Variants in PPP3CB observed in about 807,000 individuals in gnomAD.
PPP3CB encodes serine/threonine-protein phosphatase 2B catalytic subunit beta isoform.
PPP3CB carries 8 observed loss-of-function variants against 66.4 expected under a neutral mutation model. The observed-to-expected ratio is 0.12, with a 90% confidence interval of 0.07 to 0.22. The LOEUF is 0.22. PPP3CB is among the 10% of genes least tolerant of loss of function. The pLI is 1.00. For missense variants in PPP3CB, 319 were observed against 642.5 expected (o/e 0.50, Z 5.44); for synonymous variants, 208 against 221.2 (o/e 0.94, Z 0.53).
intron 12 of PPP3CB, among the ~76,000 whole-genome samples, chr10:73,440,881 A>C (rs1281431720): frequency 2.0e-5 from 3 of 152,238 alleles, no homozygotes; most frequent in Non-Finnish European, 4.4e-5. Context: ...ATAATTAGTC[A>C]AACATTTTAT....
intron 9 of PPP3CB, among the ~76,000 whole-genome samples, chr10:73,466,375 T>C (rs1564559004): frequency 6.6e-6 from 1 of 152,206 alleles, no homozygotes; most frequent in Non-Finnish European, 1.5e-5. Flanking sequence ...TCCTACCTTA[T>C]CTTCCTGGCC....
intron 9 of PPP3CB, among the ~76,000 whole-genome samples, chr10:73,465,807 T>C (rs183375294): frequency 5.3e-5 from 8 of 152,348 alleles, no homozygotes; most frequent in African/African-American, 1.9e-4. Flanking sequence ...ACAGCCATCA[T>C]GTATTAAAAT....
At chr10:73,495,453 G>A (rs966019310) in intron 1 of PPP3CB, 2 of 168,104 alleles carry the variant, frequency 1.2e-5, no homozygotes, top group Non-Finnish European at 2.6e-5. Flanking sequence ...GCCCCGGCAA[G>A]CCAGAAGTGC....
At chr10:73,438,447 C>A in intron 13 of PPP3CB, 27 bp from the exon 14 acceptor site, 1 of 1,543,888 alleles carries the variant, frequency 6.5e-7, no homozygotes, top group Non-Finnish European at 8.9e-7. Flanking sequence ...TTTGATAAGT[C>A]AGTAATTGAA....
chr10:73,450,995 T>C (rs1158304360), intron 10 of PPP3CB, among the ~76,000 whole-genome samples: 3 of 152,092 alleles, frequency 2.0e-5, no homozygotes, highest in Non-Finnish European at 2.9e-5. Flanking sequence ...CATTAGAATA[T>C]AATAAAATTT....
chr10:73,478,645 A>G, intron 2 of PPP3CB, 22 bp from the exon 3 acceptor site: 1 of 1,598,034 alleles, frequency 6.3e-7, no homozygotes, highest in South Asian at 1.1e-5. Context: ...AGATTATTAG[A>G]TAAGGGAAAA....
chr10:73,461,991 G>A (rs921066244), intron 9 of PPP3CB, among the ~76,000 whole-genome samples: 4 of 151,984 alleles, frequency 2.6e-5, no homozygotes, highest in African/African-American at 4.8e-5. Context: ...CTTCCCCCTC[G>A]CTCTCTTGCT....
intron 1 of PPP3CB, among the ~76,000 whole-genome samples, chr10:73,480,201 A>G (rs757299033): frequency 6.6e-6 from 1 of 152,178 alleles, no homozygotes; most frequent in East Asian, 1.9e-4. Flanking sequence ...TAAAATAATA[A>G]ATCATAATTT....
intron 12 of PPP3CB, chr10:73,444,192 G>C (rs2056208778): frequency 6.2e-6 from 1 of 160,430 alleles, no homozygotes; most frequent in African/African-American, 2.4e-5. Context: ...CATTTACCAG[G>C]GTACAAAACC....
chr10:73,445,459 CTTTTT>C (rs1198096943), intron 11 of PPP3CB, among the ~76,000 whole-genome samples: 1 of 152,130 alleles, frequency 6.6e-6, no homozygotes, highest in African/African-American at 2.4e-5. Context: ...ACTTCTTTTT[CTTTTT>C]GAGACAAGGT....
chr10:73,473,295 G>A (rs768106849), intron 4 of PPP3CB, among the ~76,000 whole-genome samples: 7 of 152,126 alleles, frequency 4.6e-5, no homozygotes, highest in East Asian at 1.9e-4. Context: ...GTCTCAAAAC[G>A]TTGAAATTAT....
intron 10 of PPP3CB, among the ~76,000 whole-genome samples, chr10:73,452,100 T>C (rs554377589): frequency 6.6e-6 from 1 of 152,190 alleles, no homozygotes; most frequent in African/African-American, 2.4e-5. Context: ...GATTCAGATA[T>C]AGAATTAACA....
intron 9 of PPP3CB, among the ~76,000 whole-genome samples, chr10:73,455,481 A>G (rs955095116): frequency 2.0e-5 from 3 of 152,160 alleles, no homozygotes; most frequent in African/African-American, 7.2e-5. Flanking sequence ...TACAGTTTCA[A>G]TTATCACCTC....
chr10:73,452,188 GT>G (rs1332202871), intron 10 of PPP3CB, among the ~76,000 whole-genome samples: 1 of 152,118 alleles, frequency 6.6e-6, no homozygotes, highest in Non-Finnish European at 1.5e-5. Flanking sequence ...AGTAGGCTAT[GT>G]GGCAATAATT....
intron 3 of PPP3CB, among the ~76,000 whole-genome samples, chr10:73,475,758 A>G (rs1188993977): frequency 2.0e-5 from 3 of 152,252 alleles, no homozygotes; most frequent in South Asian, 2.1e-4. Context: ...TAGATTTAAC[A>G]TAAGAAAGAG....
intron 9 of PPP3CB, among the ~76,000 whole-genome samples, chr10:73,457,639 G>A (rs949224280): frequency 6.6e-6 from 1 of 151,822 alleles, no homozygotes; most frequent in African/African-American, 2.4e-5. Flanking sequence ...TTGGGAGGGT[G>A]AAGCAGGAGA....
intron 1 of PPP3CB, among the ~76,000 whole-genome samples, chr10:73,494,372 CT>C (rs1432924072): frequency 5.9e-5 from 9 of 152,180 alleles, no homozygotes; most frequent in African/African-American, 2.2e-4. Context: ...ACTGCAACTT[CT>C]GCCTCTCGGG....
rs763968745 is a variant in PPP3CB at position 73,446,485 on chromosome 10, T to C, written c.1268+7A>G. 1 of 1,600,120 alleles carries C rather than the reference T, an allele frequency of 6.2e-7. No individual in the cohort carries two copies. The highest frequency in any genetic ancestry group is 8.6e-7 in the Non-Finnish European group (1 of 1,167,450). ...CAAAACAAATAATCAAGAAAATATATCATTACCTGAGAACAGAGAAGACTC... is the reference window on the plus strand; with the variant it reads ...CAAAACAAATAATCAAGAAAATATACCATTACCTGAGAACAGAGAAGACTC... On this transcript the variant is annotated splice_region_variant and intron_variant, in intron 11 of 13. Coordinates refer to ENST00000360663, the MANE Select transcript of PPP3CB (RefSeq NM_021132.4).
Position 73,496,003 on chromosome 10 carries a change from A to C in PPP3CB, c.-114T>G. ...GGAACATGGCGGACCCTCTTTCCCT[A>C]CAGAGGGGCTAAGACCGGCATGCAC... On this transcript the variant is annotated 5_prime_UTR_variant, in exon 1 of 14. An upstream open reading frame in the 5' UTR loses its in-frame stop. Coordinates refer to ENST00000360663, the MANE Select transcript of PPP3CB (RefSeq NM_021132.4). 3 of 345,380 alleles carry C rather than the reference A, an allele frequency of 8.7e-6. No homozygotes were observed. The highest frequency in any genetic ancestry group is 1.3e-5 in the Non-Finnish European group (3 of 232,732). The allele number at this position is 345,380 out of a possible 1,614,324, so 21.4% of individuals were successfully genotyped here.
Sources: gnomAD v4.1 joint callset for allele counts (sites outside exome capture counted in the v4.1 genomes callset) on GRCh38, gnomAD v4.1.1 for gene constraint, MANE v1.5 for transcripts, NCBI Gene and HGNC (gene_info 2026-07-23, HGNC 2026-07-21) for gene names.